H4C5: variants seen among roughly 807,000 people sequenced by gnomAD.
H4C5 encodes the protein histone H4.
Under a neutral mutation model 5.3 loss-of-function variants are expected in H4C5, and 15 were observed. The observed-to-expected ratio is 2.84, with a 90% CI of 1.90 to 4.37. The LOEUF is 4.37. Among genes scored for constraint, H4C5 ranks in the 30% most tolerant of loss-of-function variants. The pLI is 0.00. For synonymous variants in H4C5, 154 were observed against 56.9 expected (o/e 2.71, Z -7.68); for missense variants, 153 against 145.7 (o/e 1.05, Z -0.26).
rs746685515 is a variant in H4C5 at position 26,204,624 on chromosome 6, A to G, written c.-21A>G. On this transcript the variant is annotated 5_prime_UTR_variant, in exon 1 of 1. Transcript: ENST00000615164. ...GCTTGTTTTTCAGATTTTTGCGGCTATTTTCGTTGGTGTGTTGGTCATGTC... is the reference window on the plus strand; with the variant it reads ...GCTTGTTTTTCAGATTTTTGCGGCTGTTTTCGTTGGTGTGTTGGTCATGTC... 21 of 1,549,020 alleles carry G rather than the reference A, an allele frequency of 1.4e-5. No homozygotes were observed. Among genetic ancestry groups the G allele is most frequent in the East Asian group, 9.1e-5 (4 of 43,892 alleles).
Position 26,204,803 on chromosome 6 carries a change from G to A in H4C5, c.159G>A (p.Glu53=), listed in dbSNP as rs555764847. ...GVKRISGLIY[E]ETRGVLKVFL... ...AGCGCATTTCTGGTCTCATCTACGAGGAGACTCGCGGGGTTCTGAAGGTGT... is the reference window on the plus strand; with the variant it reads ...AGCGCATTTCTGGTCTCATCTACGAAGAGACTCGCGGGGTTCTGAAGGTGT... The change falls in exon 1 of 1, where the codon GAG becomes GAA. Residue 53 remains glutamate (E), a synonymous_variant. Coordinates refer to ENST00000615164, the MANE Select transcript of H4C5 (RefSeq NM_003545.4). The A allele has an allele frequency of 4.3e-6, 7 of 1,614,162 alleles. No individual in the cohort carries two copies. Among genetic ancestry groups the A allele is most frequent in the East Asian group, 2.2e-5 (1 of 44,886 alleles).
At position 26,204,943 on chromosome 6, in the gene H4C5, G is replaced by C; in HGVS notation, c.299G>C (p.Gly100Ala). The change falls in exon 1 of 1, where the codon GGC becomes GCC. Residue 100 changes from glycine (G) to alanine (A), a missense_variant. Gly to Ala is a moderately conservative substitution (Grantham distance 60, BLOSUM62 0). Transcript: ENST00000615164. ...AAGAGACAGGGACGCACTCTTTACG[G>C]CTTCGGCGGCTAATGCTACCGCTTA... The part of the protein sequence containing the change: ...ALKRQGRTLY[G>A]FGG 6.2e-7 allele frequency: 1 copy of C among 1,601,846 alleles called. No individual in the cohort carries two copies. The highest frequency in any genetic ancestry group is 8.6e-7 in the Non-Finnish European group (1 of 1,169,570).
Position 26,204,963 on chromosome 6 carries a change from C to G in H4C5, c.*7C>G, listed in dbSNP as rs371381418. ...TTACGGCTTCGGCGGCTAATGCTAC[C>G]GCTTAAACGACTCAGCATCTCGACT... On this transcript the variant is annotated 3_prime_UTR_variant, in exon 1 of 1. Coordinates refer to ENST00000615164, the MANE Select transcript of H4C5 (RefSeq NM_003545.4). 13 of 1,595,038 alleles carry G rather than the reference C, an allele frequency of 8.2e-6. No individual in the cohort carries two copies. The highest frequency in any genetic ancestry group is 5.4e-5 in the African/African-American group (4 of 74,542).
chr6:26,204,902 T>G lies in H4C5; in HGVS notation c.258T>G (p.Asp86Glu). ...HAKRKTVTAM[D>E]VVYALKRQGR... ...AACGCAAGACAGTGACAGCGATGGA[T>G]GTGGTCTACGCGCTGAAGAGACAGG... The change falls in exon 1 of 1, where the codon GAT becomes GAG. Residue 86 changes from aspartate to glutamate, a missense_variant. Coordinates refer to ENST00000615164, the MANE Select transcript of H4C5 (RefSeq NM_003545.4). 3.1e-6 allele frequency: 5 copies of G among 1,614,044 alleles called. No individual in the cohort carries two copies. The highest frequency in any genetic ancestry group is 4.2e-6 in the Non-Finnish European group (5 of 1,179,944).
chr6:26,204,938 T>C lies in H4C5; in HGVS notation c.294T>C (p.Leu98=). ...VYALKRQGRT[L]YGFGG ...CGCTGAAGAGACAGGGACGCACTCT[T>C]TACGGCTTCGGCGGCTAATGCTACC... is the stretch of plus-strand genomic sequence containing the variant. Residue 98 remains leucine, a synonymous_variant, in exon 1 of 1, where the codon CTT becomes CTC. Transcript: ENST00000615164. 1 of 1,601,638 alleles carries C rather than the reference T, an allele frequency of 6.2e-7. No individual in the cohort carries two copies. Among genetic ancestry groups the C allele is most frequent in the Non-Finnish European group, 8.5e-7 (1 of 1,169,872 alleles).
In H4C5 at chr6:26,204,687, G is replaced by A. The variant is rs770887499; in HGVS notation, c.43G>A (p.Gly15Ser). 15 of 1,613,062 alleles carry A rather than the reference G, an allele frequency of 9.3e-6. No individual in the cohort carries two copies. Among genetic ancestry groups the A allele is most frequent in the East Asian group, 2.2e-5 (1 of 44,846 alleles). ...GKGGKGLGKG[G>S]AKRHRKVLRD... ...AGGCGGAAAGGGACTGGGTAAAGGA[G>A]GCGCTAAGCGTCACCGTAAGGTCCT... Residue 15 changes from glycine (G) to serine (S), a missense_variant, in exon 1 of 1, where the codon GGC (glycine) becomes AGC (serine). Transcript: ENST00000615164.
In H4C5 at chr6:26,204,731, C is replaced by G. The variant is rs144595768; in HGVS notation, c.87C>G (p.Gly29=). The change falls in exon 1 of 1, where the codon GGC becomes GGG. Residue 29 remains glycine, a synonymous_variant. Transcript: ENST00000615164. ...AGGTCCTGCGAGATAACATCCAGGG[C>G]ATTACCAAGCCTGCCATCCGGCGCC... The part of the protein sequence containing the change: ...HRKVLRDNIQ[G]ITKPAIRRLA... The G allele has an allele frequency of 1.2e-6, 2 of 1,614,180 alleles. No individual in the cohort carries two copies. Among genetic ancestry groups the G allele is most frequent in the South Asian group, 1.1e-5 (1 of 91,068 alleles).
chr6:26,204,979 C>A lies in H4C5; in HGVS notation c.*23C>A. ...TAATGCTACCGCTTAAACGACTCAG[C>A]ATCTCGACTTCCCAAATCAAAGGCC... On this transcript the variant is annotated 3_prime_UTR_variant, in exon 1 of 1. Transcript: ENST00000615164. The A allele has an allele frequency of 1.3e-6, 2 of 1,582,806 alleles. No homozygotes were observed. The highest frequency in any genetic ancestry group is 1.1e-5 in the South Asian group (1 of 88,770).
Position 26,204,757 on chromosome 6 carries a change from T to A in H4C5, c.113T>A (p.Leu38His). 1 of 1,614,160 alleles carries A rather than the reference T, an allele frequency of 6.2e-7. No individual in the cohort carries two copies. Among genetic ancestry groups the A allele is most frequent in the Non-Finnish European group, 8.5e-7 (1 of 1,180,020 alleles). Residue 38 changes from leucine to histidine, a missense_variant, in exon 1 of 1, where the codon CTT (leucine) becomes CAT (histidine). By Grantham distance (99) the Leu-to-His change is moderately conservative. Transcript: ENST00000615164. ...QGITKPAIRR[L>H]ARRGGVKRIS... ...ATTACCAAGCCTGCCATCCGGCGCC[T>A]TGCTCGTCGCGGGGGTGTCAAGCGC...
At position 26,204,718 on chromosome 6, in the gene H4C5, A is replaced by G. The variant is rs1765191083; in HGVS notation, c.74A>G (p.Asp25Gly). 1.9e-6 allele frequency: 3 copies of G among 1,614,162 alleles called. No individual in the cohort carries two copies. Among genetic ancestry groups the G allele is most frequent in the Non-Finnish European group, 2.5e-6 (3 of 1,180,030 alleles). The change falls in exon 1 of 1, where the codon GAT becomes GGT. Residue 25 changes from aspartate (D) to glycine (G), a missense_variant. By Grantham distance (94) the Asp-to-Gly change is moderately conservative. Transcript: ENST00000615164. ...GAKRHRKVLR[D>G]NIQGITKPAI... is the part of the protein sequence containing the mutation. The stretch of plus-strand genomic sequence containing the variant: ...AAGCGTCACCGTAAGGTCCTGCGAG[A>G]TAACATCCAGGGCATTACCAAGCCT...
In H4C5 at chr6:26,204,704, T is replaced by C; in HGVS notation, c.60T>C (p.Arg20=). The C allele has an allele frequency of 3.1e-6, 5 of 1,614,034 alleles. No homozygotes were observed. Among genetic ancestry groups the C allele is most frequent in the Non-Finnish European group, 4.2e-6 (5 of 1,179,942 alleles). ...GTAAAGGAGGCGCTAAGCGTCACCG[T>C]AAGGTCCTGCGAGATAACATCCAGG... ...GLGKGGAKRH[R]KVLRDNIQGI... is the part of the protein sequence containing the mutation. Residue 20 remains arginine, a synonymous_variant, in exon 1 of 1, where the codon CGT becomes CGC. Transcript: ENST00000615164.
In H4C5 at chr6:26,204,681, A is replaced by G. The variant is rs1178802266; in HGVS notation, c.37A>G (p.Lys13Glu). 1.2e-6 allele frequency: 2 copies of G among 1,610,062 alleles called. No homozygotes were observed. The highest frequency in any genetic ancestry group is 1.7e-6 in the Non-Finnish European group (2 of 1,177,522). ...CGGCAAAGGCGGAAAGGGACTGGGTAAAGGAGGCGCTAAGCGTCACCGTAA... is the reference window on the plus strand; with the variant it reads ...CGGCAAAGGCGGAAAGGGACTGGGTGAAGGAGGCGCTAAGCGTCACCGTAA... ...GRGKGGKGLG[K>E]GGAKRHRKVL... The change falls in exon 1 of 1, where the codon AAA (lysine) becomes GAA (glutamate). Residue 13 changes from lysine (K) to glutamate (E), a missense_variant. Physicochemically the swap from Lys to Glu is moderately conservative, Grantham distance 56. Coordinates refer to ENST00000615164, the MANE Select transcript of H4C5 (RefSeq NM_003545.4).
At position 26,204,913 on chromosome 6, in the gene H4C5, C is replaced by T; in HGVS notation, c.269C>T (p.Ala90Val). ...KTVTAMDVVY[A>V]LKRQGRTLYG... ...GTGACAGCGATGGATGTGGTCTACG[C>T]GCTGAAGAGACAGGGACGCACTCTT... Residue 90 changes from alanine (A) to valine (V), a missense_variant, in exon 1 of 1, where the codon GCG (alanine) becomes GTG (valine). Ala to Val is a moderately conservative substitution (Grantham distance 64, BLOSUM62 0). Coordinates refer to ENST00000615164, the MANE Select transcript of H4C5 (RefSeq NM_003545.4). The T allele has an allele frequency of 1.2e-6, 2 of 1,613,348 alleles. No individual in the cohort carries two copies. Among genetic ancestry groups the T allele is most frequent in the Non-Finnish European group, 8.5e-7 (1 of 1,179,326 alleles).
In H4C5 at chr6:26,204,683, A is replaced by AG; in HGVS notation, c.41dup (p.Gly15ArgfsTer3). ...GCAAAGGCGGAAAGGGACTGGGTAA[A>AG]GGAGGCGCTAAGCGTCACCGTAAGG... On this transcript the variant is annotated frameshift_variant, in exon 1 of 1. Coordinates refer to ENST00000615164, the MANE Select transcript of H4C5 (RefSeq NM_003545.4). LOFTEE classifies it high-confidence loss of function. 1 of 1,612,928 alleles carries AG rather than the reference A, an allele frequency of 6.2e-7. No individual in the cohort carries two copies. Among genetic ancestry groups the AG allele is most frequent in the Non-Finnish European group, 8.5e-7 (1 of 1,179,040 alleles).
At position 26,204,618 on chromosome 6, in the gene H4C5, GC is replaced by G. The variant is rs1561984913; in HGVS notation, c.-26del. The stretch of plus-strand genomic sequence containing the variant: ...ACCGTCGCTTGTTTTTCAGATTTTT[GC>G]GGCTATTTTCGTTGGTGTGTTGGTC... On this transcript the variant is annotated 5_prime_UTR_variant, in exon 1 of 1. Transcript: ENST00000615164. 1 of 1,118,768 alleles carries G rather than the reference GC, an allele frequency of 8.9e-7. No homozygotes were observed. Among genetic ancestry groups the G allele is most frequent in the South Asian group, 1.3e-5 (1 of 74,762 alleles). 69.3% of individuals were successfully genotyped at this position (1,118,768 alleles called of 1,614,324 possible). A position where few individuals can be genotyped will look rare whatever the true frequency, so the allele number is the denominator to read the frequency against.
At position 26,204,642 on chromosome 6, in the gene H4C5, G is replaced by T. The variant is rs755252848; in HGVS notation, c.-3G>T. 2.0e-5 allele frequency: 32 copies of T among 1,592,112 alleles called. No homozygotes were observed. In the South Asian group the frequency reaches 3.0e-4, roughly 15 times the overall value. On this transcript the variant is annotated 5_prime_UTR_variant, in exon 1 of 1. Transcript: ENST00000615164. Reference sequence around the variant, plus strand: ...TGCGGCTATTTTCGTTGGTGTGTTGGTCATGTCTGGTCGCGGCAAAGGCGG... The same window carrying T: ...TGCGGCTATTTTCGTTGGTGTGTTGTTCATGTCTGGTCGCGGCAAAGGCGG...
In H4C5 at chr6:26,204,881, C is replaced by T. The variant is rs1765198016; in HGVS notation, c.237C>T (p.Arg79=). 1 of 1,614,152 alleles carries T rather than the reference C, an allele frequency of 6.2e-7. No individual in the cohort carries two copies. Among genetic ancestry groups the T allele is most frequent in the Non-Finnish European group, 8.5e-7 (1 of 1,180,014 alleles). ...TGACTTACACGGAGCACGCCAAACG[C>T]AAGACAGTGACAGCGATGGATGTGG... ...DAVTYTEHAK[R]KTVTAMDVVY... The change falls in exon 1 of 1, where the codon CGC becomes CGT. Residue 79 remains arginine (R), a synonymous_variant. Transcript: ENST00000615164.
rs761803136 is a variant in H4C5, at chr6:26,204,956, A to G, written c.312A>G (p.Ter104=). 1 of 1,599,270 alleles carries G rather than the reference A, an allele frequency of 6.3e-7. No homozygotes were observed. The highest frequency in any genetic ancestry group is 2.2e-5 in the East Asian group (1 of 44,478). The change falls in exon 1 of 1, where the codon TAA becomes TAG. Residue 104 remains the stop codon, a stop_retained_variant. Transcript: ENST00000615164. ...GCACTCTTTACGGCTTCGGCGGCTAATGCTACCGCTTAAACGACTCAGCAT... is the reference window on the plus strand; with the variant it reads ...GCACTCTTTACGGCTTCGGCGGCTAGTGCTACCGCTTAAACGACTCAGCAT... ...QGRTLYGFGG[*] is the part of the protein sequence containing the mutation.
chr6:26,204,613 T>C lies in H4C5; in HGVS notation c.-32T>C. ...ATACTACCGTCGCTTGTTTTTCAGA[T>C]TTTTGCGGCTATTTTCGTTGGTGTG... is the stretch of plus-strand genomic sequence containing the variant. On this transcript the variant is annotated 5_prime_UTR_variant, in exon 1 of 1. Coordinates refer to ENST00000615164, the MANE Select transcript of H4C5 (RefSeq NM_003545.4). The C allele has an allele frequency of 6.5e-7, 1 of 1,542,516 alleles. No individual in the cohort carries two copies. Among genetic ancestry groups the C allele is most frequent in the Non-Finnish European group, 8.8e-7 (1 of 1,140,998 alleles).
Sources: gnomAD v4.1 joint callset for allele counts on GRCh38, gnomAD v4.1.1 for gene constraint, MANE v1.5 for transcripts, NCBI Gene and HGNC (gene_info 2026-07-23, HGNC 2026-07-21) for gene names.